CSMD1: variants seen among roughly 807,000 people sequenced by gnomAD.
The protein encoded by CSMD1 is CUB and Sushi multiple domains 1.
Under a neutral mutation model 417.5 loss-of-function variants are expected in CSMD1, and 213 were observed. That is an observed-to-expected ratio of 0.51 (90% CI 0.46 to 0.57). The LOEUF (loss-of-function observed/expected upper bound fraction) is 0.57, where lower values mean the gene tolerates loss of function less well. Ranked by LOEUF, CSMD1 falls within the 20% of genes least tolerant of loss-of-function variation. The probability of loss-of-function intolerance (pLI) is 0.00; values close to 1 mark genes in which losing one functional copy is unlikely to be tolerated. For synonymous variants in CSMD1, 2,862 were observed against 1,736.8 expected, an observed-to-expected ratio of 1.65 and a Z score of -16.11; for missense variants, 6,923 against 4,529.7, an observed-to-expected ratio of 1.53 and a Z score of -15.17.
chr8:3,537,295 G>A (rs1354399982), intron 10 of CSMD1, among the ~76,000 whole-genome samples: 2 of 152,170 alleles, frequency 1.3e-5, no homozygotes, highest in Admixed American at 1.3e-4. Flanking sequence ...GAGCCATCAT[G>A]CCCGGCCCGC....
Position 4,402,769 on chromosome 8 carries a change from G to C in CSMD1, c.415+17184C>G, listed in dbSNP as rs77564523. On this transcript the variant is annotated intron_variant, in intron 3 of 69. Coordinates refer to ENST00000635120, the MANE Select transcript of CSMD1 (RefSeq NM_033225.6). ...CTTTGCATCTGTACTGAATGCCCTT[G>C]ATGCTGTGAGTATAATGTCCTCACT... is the stretch of plus-strand genomic sequence containing the variant. Among the ~76,000 whole-genome samples, 1,171 of 142,160 alleles carry C rather than the reference G, an allele frequency of 8.2e-3. 14 individuals are homozygous for C. Among genetic ancestry groups the C allele is most frequent in the African/African-American group, 0.029 (1,105 of 38,332 alleles). The allele number at this position is 142,160 out of a possible 152,430, so 93.3% of individuals were successfully genotyped here.
chr8:3,999,337 G>C (rs561516267), intron 4 of CSMD1, among the ~76,000 whole-genome samples: 2 of 152,076 alleles, frequency 1.3e-5, no homozygotes, highest in Non-Finnish European at 2.9e-5. Context: ...GCATATCTTC[G>C]ACCCTACCCA....
intron 12 of CSMD1, among the ~76,000 whole-genome samples, chr8:3,440,121 C>G (rs1814876136): frequency 6.6e-6 from 1 of 152,152 alleles, no homozygotes; most frequent in Admixed American, 6.5e-5. Context: ...TTCAAAATTA[C>G]TTTAGCTATT....
chr8:4,150,309 T>A (rs1406893193), intron 3 of CSMD1, among the ~76,000 whole-genome samples: 1 of 152,166 alleles, frequency 6.6e-6, no homozygotes, highest in East Asian at 1.9e-4. Flanking sequence ...AGCTCCCTGT[T>A]AGGAAGGACA....
At chr8:4,117,014 A>T (rs760455808) in intron 3 of CSMD1, among the ~76,000 whole-genome samples, 2 of 151,660 alleles carry the variant, frequency 1.3e-5, no homozygotes, top group African/African-American at 4.8e-5. Flanking sequence ...CTGACGCTTA[A>T]CCTTTTTTTT....
chr8:3,913,049 G>A (rs1032829877), intron 5 of CSMD1, among the ~76,000 whole-genome samples: 3 of 152,144 alleles, frequency 2.0e-5, no homozygotes, highest in African/African-American at 7.2e-5. Context: ...GACTTTAGCA[G>A]CAGGGCAACA....
intron 49 of CSMD1, among the ~76,000 whole-genome samples, chr8:3,067,186 A>G (rs1812993175): frequency 6.6e-6 from 1 of 152,110 alleles, no homozygotes; most frequent in Admixed American, 6.6e-5. Context: ...GGTGCGTGGC[A>G]ATGTTATTCC....
At chr8:3,956,589 T>A (rs1002142469) in intron 5 of CSMD1, among the ~76,000 whole-genome samples, 8 of 152,238 alleles carry the variant, frequency 5.3e-5, no homozygotes, top group African/African-American at 1.9e-4. Flanking sequence ...GCCCCATGTT[T>A]TGCATACATA....
chr8:4,507,988 A>T (rs1802616047), intron 2 of CSMD1, among the ~76,000 whole-genome samples: 1 of 151,980 alleles, frequency 6.6e-6, no homozygotes, highest in South Asian at 2.1e-4. Context: ...AATCCTACGA[A>T]CACAGACAAA....
intron 6 of CSMD1, among the ~76,000 whole-genome samples, chr8:3,735,391 C>G (rs968830360): frequency 1.3e-5 from 2 of 152,170 alleles, no homozygotes; most frequent in East Asian, 1.9e-4. Flanking sequence ...AGTTGAGCAA[C>G]TGTATAATTT....
intron 5 of CSMD1, among the ~76,000 whole-genome samples, chr8:3,793,878 C>T (rs376912230): frequency 1.1e-4 from 16 of 152,236 alleles, no homozygotes; most frequent in African/African-American, 3.4e-4. Flanking sequence ...GCTGATGGAC[C>T]ATTTGTCAAA....
At chr8:3,617,512 C>T (rs2117173836) in intron 7 of CSMD1, among the ~76,000 whole-genome samples, 1 of 152,132 alleles carries the variant, frequency 6.6e-6, no homozygotes, top group Admixed American at 6.5e-5. Flanking sequence ...GGGCTTGGGA[C>T]CCAATTCAGT....
At chr8:4,148,796 T>C (rs889457503) in intron 3 of CSMD1, among the ~76,000 whole-genome samples, 1 of 152,134 alleles carries the variant, frequency 6.6e-6, no homozygotes, top group Non-Finnish European at 1.5e-5. Flanking sequence ...AACAGGTGCA[T>C]TGGGAAGGGA....
chr8:2,953,451 T>A (rs1475176763), intron 65 of CSMD1, among the ~76,000 whole-genome samples: 6 of 109,984 alleles, frequency 5.5e-5, no homozygotes, highest in Non-Finnish European at 1.1e-4. Flanking sequence ...AGAGCTTATG[T>A]CCAAAAAAAA....
chr8:3,587,510 A>G (rs1438720219), intron 8 of CSMD1, among the ~76,000 whole-genome samples: 1 of 128,278 alleles, frequency 7.8e-6, no homozygotes, highest in Admixed American at 7.5e-5. Context: ...TAGGGGAAAC[A>G]TAAATAGATG....
chr8:4,929,643 T>C (rs1396384779), intron 1 of CSMD1, among the ~76,000 whole-genome samples: 1 of 152,172 alleles, frequency 6.6e-6, no homozygotes, highest in Non-Finnish European at 1.5e-5. Flanking sequence ...TCTGATTCAA[T>C]TAACTGACAC....
At chr8:3,571,044 G>A (rs955142717) in intron 10 of CSMD1, among the ~76,000 whole-genome samples, 3 of 152,210 alleles carry the variant, frequency 2.0e-5, no homozygotes, top group African/African-American at 7.2e-5. Context: ...AGTGGAAACT[G>A]TGGGTATTCC....
intron 1 of CSMD1, among the ~76,000 whole-genome samples, chr8:4,958,685 G>A (rs1035602828): frequency 6.6e-6 from 1 of 152,078 alleles, no homozygotes; most frequent in Non-Finnish European, 1.5e-5. Flanking sequence ...GAGTTTTTAA[G>A]AATAATAGAC....
At chr8:4,775,745 G>T (rs1046048252) in intron 1 of CSMD1, among the ~76,000 whole-genome samples, 1 of 152,164 alleles carries the variant, frequency 6.6e-6, no homozygotes, top group Admixed American at 6.5e-5. Flanking sequence ...AATGTGTCCT[G>T]CCATCCAAGA....
Sources: allele counts gnomAD v4.1 joint callset (sites outside exome capture counted in the v4.1 genomes callset), GRCh38; gene constraint gnomAD v4.1.1; transcripts MANE v1.5; gene names NCBI Gene and HGNC (gene_info 2026-07-23, HGNC 2026-07-21).